Variants in CDH12 observed in about 807,000 individuals in gnomAD.
CDH12 encodes cadherin-12.
In CDH12, 41 loss-of-function variants were observed where a neutral mutation model predicts 74.1. The ratio of observed to expected loss-of-function variants is 0.55; its 90% CI spans 0.43 to 0.72. The LOEUF (loss-of-function observed/expected upper bound fraction) is 0.72. Among genes scored for constraint, CDH12 ranks in the 30% least tolerant of loss-of-function variants. The pLI is 0.00. For synonymous variants in CDH12, 399 were observed against 355.0 expected, an observed-to-expected ratio of 1.12 and a Z score of -1.39; for missense variants, 945 against 977.2, an observed-to-expected ratio of 0.97 and a Z score of 0.44.
intron 4 of CDH12, among the ~76,000 whole-genome samples, chr5:22,161,308 A>G (rs1404617833): frequency 1.3e-5 from 2 of 152,192 alleles, no homozygotes; most frequent in African/African-American, 2.4e-5. Flanking sequence ...ATGATTTAAG[A>G]ATCCTTATGA....
At chr5:22,646,758 G>C (rs898918765) in intron 1 of CDH12, among the ~76,000 whole-genome samples, 1 of 151,872 alleles carries the variant, frequency 6.6e-6, no homozygotes, top group African/African-American at 2.4e-5. Flanking sequence ...TTTCTAGTTA[G>C]ATTACTTTAT....
At chr5:22,646,078 G>A (rs1739418895) in intron 1 of CDH12, among the ~76,000 whole-genome samples, 1 of 151,568 alleles carries the variant, frequency 6.6e-6, no homozygotes, top group African/African-American at 2.4e-5. Flanking sequence ...AACTAAAAAA[G>A]ACTCCTGGAT....
intron 4 of CDH12, among the ~76,000 whole-genome samples, chr5:22,123,951 TTTTTATTTTTTA>T (rs1745676385): frequency 1.3e-5 from 2 of 151,428 alleles, no homozygotes; most frequent in South Asian, 4.1e-4. Flanking sequence ...TTTTGTAATT[TTTTTATTTTTTA>T]TTTTATTTTT....
intron 5 of CDH12, among the ~76,000 whole-genome samples, chr5:22,075,338 C>A (rs967857560): frequency 6.7e-6 from 1 of 150,184 alleles, no homozygotes; most frequent in Non-Finnish European, 1.5e-5. Flanking sequence ...GGAGGGATAG[C>A]ATTAGGAGAT....
chr5:22,205,677 A>G (rs531188059), intron 4 of CDH12, among the ~76,000 whole-genome samples: 2 of 152,252 alleles, frequency 1.3e-5, no homozygotes, highest in Non-Finnish European at 2.9e-5. Context: ...GAACTGACAA[A>G]TAAGAAAGTC....
At chr5:22,726,058 T>C (rs1744148600) in intron 1 of CDH12, among the ~76,000 whole-genome samples, 1 of 151,752 alleles carries the variant, frequency 6.6e-6, no homozygotes, top group Non-Finnish European at 1.5e-5. Context: ...CACATCATTA[T>C]CAATCTGTAG....
At chr5:22,530,986 T>G (rs1737558860) in intron 1 of CDH12, among the ~76,000 whole-genome samples, 1 of 152,156 alleles carries the variant, frequency 6.6e-6, no homozygotes, top group Admixed American at 6.6e-5. Context: ...ATTACAGAAC[T>G]TACATATTTC....
At chr5:22,606,386 AC>A (rs1317217054) in intron 1 of CDH12, among the ~76,000 whole-genome samples, 1 of 152,182 alleles carries the variant, frequency 6.6e-6, no homozygotes, top group East Asian at 1.9e-4. Flanking sequence ...CCGTGTCCCC[AC>A]AAAAATCTCA....
chr5:21,853,076 C>G (rs1311731899), intron 7 of CDH12, among the ~76,000 whole-genome samples: 1 of 151,472 alleles, frequency 6.6e-6, no homozygotes, highest in Non-Finnish European at 1.5e-5. Flanking sequence ...TCCCCAATCT[C>G]TTTTTATTTT....
intron 1 of CDH12, among the ~76,000 whole-genome samples, chr5:22,518,348 G>C (rs1397158312): frequency 6.6e-6 from 1 of 152,184 alleles, no homozygotes; most frequent in Non-Finnish European, 1.5e-5. Flanking sequence ...TTTGGAGCCT[G>C]TTGTATTGAA....
chr5:21,829,827 G>T (rs973940095), intron 8 of CDH12, among the ~76,000 whole-genome samples: 1 of 152,130 alleles, frequency 6.6e-6, no homozygotes, highest in Non-Finnish European at 1.5e-5. Context: ...CTTAAATAAA[G>T]TTATGTGTTT....
chr5:21,964,658 C>T lies in CDH12; in HGVS notation c.526+10433G>A, dbSNP rs370753104. ...CTGCTTTTGTTGTATTAGAGATTAA[C>T]ATATGTAGACAGTGTTCTTTTTGAC... On this transcript the variant is annotated intron_variant, in intron 6 of 14. Transcript: ENST00000382254. 5.5e-4 allele frequency among the ~76,000 whole-genome samples: 84 copies of T among 152,036 alleles called. 1 individual carries two copies. The East Asian group carries it at 0.016, about 29-fold the overall frequency.
At chr5:22,315,118 G>GC (rs1738569288) in intron 3 of CDH12, among the ~76,000 whole-genome samples, 1 of 9,402 alleles carries the variant, frequency 1.1e-4, no homozygotes, top group East Asian at 3.1e-3. Context: ...TGCCTGCCTG[G>GC]CTTTTTTTTT....
chr5:22,434,342 C>T (rs1226601729), intron 2 of CDH12, among the ~76,000 whole-genome samples: 1 of 152,086 alleles, frequency 6.6e-6, no homozygotes, highest in African/African-American at 2.4e-5. Flanking sequence ...ATTTCCTCTA[C>T]ATATACAACT....
chr5:22,701,152 G>A lies in CDH12; in HGVS notation c.-523+151906C>T, dbSNP rs550256555. ...ATTTCTCTAACAAGGCCACCTTAGAGGCTCCTTTGGCCAGCTGCCTACTTC... is the reference window on the plus strand; with the variant it reads ...ATTTCTCTAACAAGGCCACCTTAGAAGCTCCTTTGGCCAGCTGCCTACTTC... On this transcript the variant is annotated intron_variant, in intron 1 of 14. Coordinates refer to ENST00000382254, the MANE Select transcript of CDH12 (RefSeq NM_004061.5). 1.7e-4 allele frequency among the ~76,000 whole-genome samples: 26 copies of A among 152,202 alleles called. No individual in the cohort carries two copies. The South Asian group carries it at 5.4e-3, about 32-fold the overall frequency.
rs138760954 is a variant in CDH12 at position 22,321,700 on chromosome 5, T to C, written c.-333+83557A>G. 1.1e-4 allele frequency among the ~76,000 whole-genome samples: 16 copies of C among 152,334 alleles called. No homozygotes were observed. The East Asian group carries it at 3.1e-3, about 29-fold the overall frequency. On this transcript the variant is annotated intron_variant, in intron 3 of 14. Transcript: ENST00000382254. ...TCACTATACTTTTGCATTTTTACAT[T>C]TAAGTAGCTTTTTTTAGACTATAGA...
intron 1 of CDH12, among the ~76,000 whole-genome samples, chr5:22,560,091 A>G (rs747490802): frequency 3.3e-5 from 5 of 152,166 alleles, no homozygotes; most frequent in Non-Finnish European, 7.4e-5. Flanking sequence ...TATTGAGATT[A>G]TATCTGTGTA....
At chr5:22,256,679 A>G (rs1257695239) in intron 3 of CDH12, among the ~76,000 whole-genome samples, 1 of 152,138 alleles carries the variant, frequency 6.6e-6, no homozygotes, top group Non-Finnish European at 1.5e-5. Context: ...TTCCAGTGGG[A>G]CAAGATTTGG....
intron 1 of CDH12, among the ~76,000 whole-genome samples, chr5:22,807,996 G>T (rs539288830): frequency 6.6e-6 from 1 of 152,172 alleles, no homozygotes; most frequent in Non-Finnish European, 1.5e-5. Flanking sequence ...GACATCACTG[G>T]ATTATAGGAT....
Sources: allele counts gnomAD v4.1 joint callset (sites outside exome capture counted in the v4.1 genomes callset), GRCh38; gene constraint gnomAD v4.1.1; transcripts MANE v1.5; gene names NCBI Gene and HGNC (gene_info 2026-07-23, HGNC 2026-07-21).